GALK2: variants seen among roughly 807,000 people sequenced by gnomAD.
The protein encoded by GALK2 is N-acetylgalactosamine kinase.
A neutral mutation model predicts 52.4 loss-of-function variants in GALK2; 36 were observed. That is an observed-to-expected ratio of 0.69 (90% CI 0.53 to 0.91). GALK2 has a LOEUF of 0.91. Ranked by LOEUF, GALK2 falls within the 40% of genes least tolerant of loss-of-function variation. The pLI is 0.00. For synonymous variants in GALK2, 176 were observed against 199.1 expected (o/e 0.88, Z 0.98); for missense variants, 579 against 559.1 (o/e 1.04, Z -0.36).
At chr15:49,251,523 A>G (rs2091600652) in intron 5 of GALK2, among the ~76,000 whole-genome samples, 1 of 148,670 alleles carries the variant, frequency 6.7e-6, no homozygotes, top group African/African-American at 2.5e-5. Context: ...ACCACTTAAC[A>G]TGAGATCTAC....
rs150321232 is a variant in GALK2 at position 49,345,163 on chromosome 15, T to G, written c.427-22328T>G. ...GATGTATTTGTCACTTTGAACAAAT[T>G]TTGGATTTTCTTTGACTTGTACATT... On this transcript the variant is annotated intron_variant, in intron 3 of 3. Transcript: ENST00000558399. 5.6e-3 allele frequency among the ~76,000 whole-genome samples: 854 copies of G among 152,320 alleles called. 6 individuals are homozygous for G. Among genetic ancestry groups the G allele is most frequent in the African/African-American group, 0.02 (814 of 41,584 alleles).
At chr15:49,318,934 G>A in intron 8 of GALK2, 1 of 453,010 alleles carries the variant, frequency 2.2e-6, no homozygotes, top group Non-Finnish European at 4.4e-6. Flanking sequence ...AACTTTATGA[G>A]GTAGTACTTT....
intron 1 of GALK2, chr15:49,156,076 C>G (rs1339780783): frequency 6.5e-7 from 1 of 1,549,766 alleles, no homozygotes; most frequent in Non-Finnish European, 8.9e-7. Flanking sequence ...GTGGGTGTTC[C>G]TAAGATACTT....
chr15:49,276,892 A>G (rs1567010436), intron 5 of GALK2, among the ~76,000 whole-genome samples: 2 of 131,394 alleles, frequency 1.5e-5, no homozygotes, highest in Admixed American at 7.3e-5. Flanking sequence ...TTTTTTCTTA[A>G]TAGAATCTGA....
intron 5 of GALK2, among the ~76,000 whole-genome samples, chr15:49,255,625 A>AAAGAAGG: frequency 9.5e-6 from 1 of 105,700 alleles, no homozygotes; most frequent in Non-Finnish European, 2.3e-5. Flanking sequence ...CTCCAATTGT[A>AAAGAAGG]CTTAACATTA....
chr15:49,278,333 T>A (rs560540073), intron 5 of GALK2, among the ~76,000 whole-genome samples: 2 of 152,362 alleles, frequency 1.3e-5, no homozygotes, highest in South Asian at 4.1e-4. Context: ...CATTACTCCT[T>A]AATGTTGAAT....
chr15:49,233,860 T>C (rs1234161628), intron 3 of GALK2, among the ~76,000 whole-genome samples: 1 of 152,302 alleles, frequency 6.6e-6, no homozygotes, highest in Non-Finnish European at 1.5e-5. Flanking sequence ...AGTATTATTA[T>C]CACGTGCCAT....
chr15:49,327,256 A>C (rs1476978883), intron 9 of GALK2: 4 of 152,236 alleles, frequency 2.6e-5, no homozygotes, highest in Non-Finnish European at 4.4e-5. Flanking sequence ...TCCAATAATC[A>C]GACTAGCTCC....
chr15:49,288,169 T>A (rs2033574903), intron 7 of GALK2, among the ~76,000 whole-genome samples: 1 of 152,192 alleles, frequency 6.6e-6, no homozygotes, highest in Admixed American at 6.5e-5. Context: ...TTTACACACA[T>A]TTGGGGCTTA....
chr15:49,245,095 T>A (rs952629313), intron 5 of GALK2, among the ~76,000 whole-genome samples: 1 of 151,970 alleles, frequency 6.6e-6, no homozygotes, highest in African/African-American at 2.4e-5. Context: ...ACAACAAATA[T>A]GAATTTAAGC....
intron 3 of GALK2, among the ~76,000 whole-genome samples, chr15:49,229,519 G>A (rs1028914554): frequency 5.3e-5 from 8 of 152,182 alleles, no homozygotes; most frequent in Admixed American, 4.6e-4. Flanking sequence ...AGTACGTTGG[G>A]TGGGCTCATC....
intron 5 of GALK2, among the ~76,000 whole-genome samples, chr15:49,268,559 G>T (rs1338461160): frequency 2.6e-5 from 4 of 152,210 alleles, no homozygotes; most frequent in Admixed American, 2.6e-4. Context: ...GGCACAGGTG[G>T]TGTAATGTAA....
At chr15:49,364,234 A>G (rs1463817982) in intron 3 of GALK2, among the ~76,000 whole-genome samples, 1 of 152,090 alleles carries the variant, frequency 6.6e-6, no homozygotes, top group Admixed American at 6.6e-5. Flanking sequence ...CTGTGAATCC[A>G]TCTAGTCCTG....
At chr15:49,299,972 A>C (rs747337106) in intron 8 of GALK2, among the ~76,000 whole-genome samples, 1 of 151,774 alleles carries the variant, frequency 6.6e-6, no homozygotes, top group African/African-American at 2.4e-5. Flanking sequence ...CATTTGGTCA[A>C]GTGCTGAGTT....
downstream of GALK2, among the ~76,000 whole-genome samples, chr15:49,332,226 C>A (rs761570967): frequency 2.0e-4 from 31 of 152,160 alleles, no homozygotes; most frequent in Non-Finnish European, 3.7e-4. Context: ...AGTGGCACAT[C>A]CTCTTCAGTT....
intron 3 of GALK2, among the ~76,000 whole-genome samples, chr15:49,219,350 C>T (rs1354813048): frequency 6.6e-6 from 1 of 152,038 alleles, no homozygotes; most frequent in Non-Finnish European, 1.5e-5. Flanking sequence ...TGCCTGACAC[C>T]ATTGATATAA....
chr15:49,262,547 G>GT, intron 5 of GALK2, among the ~76,000 whole-genome samples: 1 of 152,116 alleles, frequency 6.6e-6, no homozygotes. Context: ...TTTTTGAAGG[G>GT]TTTTTTGTGT....
At chr15:49,338,750 C>G (rs545860079) in intron 3 of GALK2, among the ~76,000 whole-genome samples, 1 of 152,352 alleles carries the variant, frequency 6.6e-6, no homozygotes, top group African/African-American at 2.4e-5. Context: ...CTCTCCATCA[C>G]TTTCAGGTAC....
intron 7 of GALK2, among the ~76,000 whole-genome samples, chr15:49,290,698 C>CT (rs1345777706): frequency 6.6e-6 from 1 of 152,138 alleles, no homozygotes; most frequent in Admixed American, 6.5e-5. Context: ...TGATGTTTTT[C>CT]TTTTTTTGTT....
Sources: gnomAD v4.1 joint callset for allele counts (sites outside exome capture counted in the v4.1 genomes callset) on GRCh38, gnomAD v4.1.1 for gene constraint, MANE v1.5 for transcripts, NCBI Gene and HGNC (gene_info 2026-07-23, HGNC 2026-07-21) for gene names.